The following CHN2 variants were observed in gnomAD, a reference collection of about 807,000 sequenced individuals.
CHN2 encodes the protein chimerin 2, also known as beta-chimaerin.
CHN2 carries 35 observed loss-of-function variants against 56.3 expected under a neutral mutation model. The ratio of observed to expected loss-of-function variants is 0.62; its 90% CI spans 0.47 to 0.82. The LOEUF (loss-of-function observed/expected upper bound fraction) is 0.82. Ranked by LOEUF, CHN2 falls within the 40% of genes least tolerant of loss-of-function variation. The pLI is 0.00. For missense variants in CHN2, 491 were observed against 580.5 expected, an observed-to-expected ratio of 0.85 and a Z score of 1.58; for synonymous variants, 210 against 212.8, an observed-to-expected ratio of 0.99 and a Z score of 0.12.
At chr7:29,255,180 G>T (rs1378465821) in intron 1 of CHN2, among the ~76,000 whole-genome samples, 2 of 152,240 alleles carry the variant, frequency 1.3e-5, no homozygotes, top group Non-Finnish European at 2.9e-5. Flanking sequence ...CATGCCCGGT[G>T]GATTGTGTGC....
chr7:29,415,479 A>T (rs1464674398), intron 6 of CHN2, among the ~76,000 whole-genome samples: 1 of 151,602 alleles, frequency 6.6e-6, no homozygotes, highest in Non-Finnish European at 1.5e-5. Context: ...TAGCCAGAAG[A>T]GCCCGAATGG....
chr7:29,200,632 G>A (rs1219421159), intron 1 of CHN2: 1 of 151,916 alleles, frequency 6.6e-6, no homozygotes, highest in Non-Finnish European at 1.5e-5. Flanking sequence ...TGGCCCATGG[G>A]GAAGGAAGCT....
Position 29,512,706 on chromosome 7 carries a change from TTAATAGAAAA to T in CHN2, c.1379_1388del (p.Leu460SerfsTer12). The T allele has an allele frequency of 6.2e-7, 1 of 1,614,190 alleles. No individual in the cohort carries two copies. Among genetic ancestry groups the T allele is most frequent in the Non-Finnish European group, 8.5e-7 (1 of 1,180,024 alleles). On this transcript the variant is annotated frameshift_variant, in exon 13 of 13. Coordinates refer to ENST00000222792, the MANE Select transcript of CHN2 (RefSeq NM_004067.4). LOFTEE classifies it high-confidence loss of function. ...GTACCAAAAGCTGATTGTGCAGATT[TTAATAGAAAA>T]CGAAGACGTTTTATTCTAATCCATC... is the stretch of plus-strand genomic sequence containing the variant.
rs181838060 is a variant in CHN2, at chr7:29,226,931, C to T, written c.49+31941C>T. Among the ~76,000 whole-genome samples, 511 of 152,236 alleles carry T rather than the reference C, an allele frequency of 3.4e-3. 1 individual carries two copies. The highest frequency in any genetic ancestry group is 0.012 in the African/African-American group (490 of 41,534). On this transcript the variant is annotated intron_variant, in intron 1 of 12. Coordinates refer to ENST00000222792, the MANE Select transcript of CHN2 (RefSeq NM_004067.4). ...CACTGTAACATAGGTAGGAGGCATT[C>T]GTGTTTTCAGAATGGAGTTGTAATG...
At chr7:29,428,616 A>G (rs1198914817) in intron 6 of CHN2, among the ~76,000 whole-genome samples, 1 of 152,200 alleles carries the variant, frequency 6.6e-6, no homozygotes, top group Admixed American at 6.5e-5. Flanking sequence ...ACCAGATGTG[A>G]GAATCCAACT....
intron 1 of CHN2, among the ~76,000 whole-genome samples, chr7:29,265,463 TG>T (rs1389572202): frequency 5.3e-5 from 8 of 152,352 alleles, no homozygotes; most frequent in African/African-American, 1.7e-4. Flanking sequence ...TTAAGGCCCC[TG>T]AAGCTGAGCA....
In CHN2 at chr7:29,259,796, C is replaced by T. The variant is rs186350978; in HGVS notation, c.49+64806C>T. Among the ~76,000 whole-genome samples, 397 of 152,098 alleles carry T rather than the reference C, an allele frequency of 2.6e-3. 6 individuals carry two copies. Among genetic ancestry groups the T allele is most frequent in the Non-Finnish European group, 6.0e-4 (41 of 68,020 alleles). ...ATTAATTTGGTTGTGGTAATAATTTCGCTATGTATACATATATCAAATTGT... is the reference window on the plus strand; with the variant it reads ...ATTAATTTGGTTGTGGTAATAATTTTGCTATGTATACATATATCAAATTGT... On this transcript the variant is annotated intron_variant, in intron 1 of 12. Coordinates refer to ENST00000222792, the MANE Select transcript of CHN2 (RefSeq NM_004067.4).
At chr7:29,313,189 C>T (rs1794715177) in intron 1 of CHN2, among the ~76,000 whole-genome samples, 1 of 152,202 alleles carries the variant, frequency 6.6e-6, no homozygotes, top group African/African-American at 2.4e-5. Context: ...CACCCATGAC[C>T]CGCCCAATGC....
At chr7:29,372,881 G>A (rs1201465731) in intron 3 of CHN2, among the ~76,000 whole-genome samples, 1 of 152,190 alleles carries the variant, frequency 6.6e-6, no homozygotes, top group Non-Finnish European at 1.5e-5. Flanking sequence ...CACTAAATAA[G>A]CAGAAGTTCT....
chr7:29,343,606 ACCACTTCC>A (rs1279160032), intron 1 of CHN2, among the ~76,000 whole-genome samples: 6 of 152,006 alleles, frequency 3.9e-5, no homozygotes, highest in Non-Finnish European at 8.8e-5. Flanking sequence ...GCCTCTGTTA[ACCACTTCC>A]CCCTTTTTAA....
At chr7:29,283,852 C>T (rs944643870) in intron 1 of CHN2, among the ~76,000 whole-genome samples, 14 of 150,002 alleles carry the variant, frequency 9.3e-5, no homozygotes, top group Non-Finnish European at 1.5e-4. Context: ...CTCCTGACCT[C>T]GTGATCCGCC....
intron 1 of CHN2, among the ~76,000 whole-genome samples, chr7:29,297,390 C>T (rs1011558983): frequency 3.3e-5 from 5 of 151,578 alleles, no homozygotes; most frequent in Non-Finnish European, 4.4e-5. Context: ...ATCTTAGCCT[C>T]CTGCTGACAG....
rs763796535 is a variant in CHN2 at position 29,377,689 on chromosome 7, C to A, written c.144+9702C>A. ...CACCTCCTTGCCTCAGTCTACCACT[C>A]GCCTGGCATCTGGCTGATGCTGACT... On this transcript the variant is annotated intron_variant, in intron 3 of 12. Coordinates refer to ENST00000222792, the MANE Select transcript of CHN2 (RefSeq NM_004067.4). Among the ~76,000 whole-genome samples the A allele has an allele frequency of 5.9e-5, 9 of 152,348 alleles. 1 individual carries two copies. In the South Asian group the frequency reaches 1.2e-3, roughly 21 times the overall value.
chr7:29,324,780 G>A (rs1245561889), intron 1 of CHN2, among the ~76,000 whole-genome samples: 2 of 152,266 alleles, frequency 1.3e-5, no homozygotes, highest in East Asian at 3.9e-4. Context: ...TCTAGAAAGA[G>A]TAAAGGGTTT....
intron 1 of CHN2, among the ~76,000 whole-genome samples, chr7:29,317,235 T>C (rs1795017046): frequency 6.6e-6 from 1 of 152,202 alleles, no homozygotes; most frequent in Admixed American, 6.5e-5. Flanking sequence ...AATGGAAATA[T>C]GTGTAAACTC....
At chr7:29,403,366 G>A (rs1453104838) in intron 6 of CHN2, among the ~76,000 whole-genome samples, 1 of 152,060 alleles carries the variant, frequency 6.6e-6, no homozygotes, top group Non-Finnish European at 1.5e-5. Context: ...GGCGTGTCTT[G>A]AAGGTTTTAA....
chr7:29,350,681 G>T (rs564398997), intron 1 of CHN2, among the ~76,000 whole-genome samples: 1 of 152,292 alleles, frequency 6.6e-6, no homozygotes, highest in South Asian at 2.1e-4. Flanking sequence ...AACAGCACGG[G>T]CTCACCTGGG....
chr7:29,244,230 T>C (rs907488689), intron 1 of CHN2, among the ~76,000 whole-genome samples: 2 of 152,208 alleles, frequency 1.3e-5, no homozygotes, highest in African/African-American at 4.8e-5. Context: ...AGTTGTAATT[T>C]TGATGAGCAG....
chr7:29,512,694 AT>A lies in CHN2; in HGVS notation c.1368del (p.Ile456MetfsTer5). 6.2e-7 allele frequency: 1 copy of A among 1,614,220 alleles called. No individual in the cohort carries two copies. The highest frequency in any genetic ancestry group is 1.1e-5 in the South Asian group (1 of 91,080). On this transcript the variant is annotated frameshift_variant, in exon 13 of 13. Transcript: ENST00000222792. LOFTEE classifies it high-confidence loss of function. ...TLHDMRYQKL[I>X]VQILIENEDV... Reference sequence around the variant, plus strand: ...GCATGATATGCGGTACCAAAAGCTGATTGTGCAGATTTTAATAGAAAACGAA... The same window carrying A: ...GCATGATATGCGGTACCAAAAGCTGATGTGCAGATTTTAATAGAAAACGAA...
Sources: allele counts gnomAD v4.1 joint callset (sites outside exome capture counted in the v4.1 genomes callset), GRCh38; gene constraint gnomAD v4.1.1; transcripts MANE v1.5; gene names NCBI Gene and HGNC (gene_info 2026-07-23, HGNC 2026-07-21).